Variants in IKZF1 observed in about 807,000 individuals in gnomAD.
The protein encoded by IKZF1 is IKAROS family zinc finger 1.
A neutral mutation model predicts 51.7 loss-of-function variants in IKZF1; 10 were observed. The observed-to-expected ratio is 0.19, with a 90% CI of 0.12 to 0.33. The LOEUF (loss-of-function observed/expected upper bound fraction) is 0.33. IKZF1 is among the 10% of genes least tolerant of loss of function. The pLI is 1.00. For missense variants in IKZF1, 484 were observed against 707.5 expected, an observed-to-expected ratio of 0.68 and a Z score of 3.58; for synonymous variants, 280 against 282.3, an observed-to-expected ratio of 0.99 and a Z score of 0.08.
chr7:50,320,481 T>C (rs1057217440), intron 2 of IKZF1, among the ~76,000 whole-genome samples: 4 of 152,220 alleles, frequency 2.6e-5, no homozygotes, highest in African/African-American at 7.2e-5. Context: ...CTATATATTA[T>C]TGTTGACTAC....
Position 50,400,680 on chromosome 7 carries a change from G to A in IKZF1, c.*53G>A. ...CCGAGCCACCCCAGGAAAAGCACAAGGACTGCCGCCTTCTCGCTCCCGCCA... is the reference window on the plus strand; with the variant it reads ...CCGAGCCACCCCAGGAAAAGCACAAAGACTGCCGCCTTCTCGCTCCCGCCA... On this transcript the variant is annotated 3_prime_UTR_variant, in exon 8 of 8. Transcript: ENST00000331340. This position sits in a 1 kb window ranked among gnomAD's most constrained non-coding sequence, Gnocchi z 5.4. The A allele has an allele frequency of 1.3e-6, 2 of 1,547,116 alleles. No individual in the cohort carries two copies. Among genetic ancestry groups the A allele is most frequent in the Non-Finnish European group, 1.7e-6 (2 of 1,150,790 alleles).
At chr7:50,396,381 T>G (rs1816711774) in intron 7 of IKZF1, among the ~76,000 whole-genome samples, 1 of 152,210 alleles carries the variant, frequency 6.6e-6, no homozygotes. Flanking sequence ...TAATATTATT[T>G]TGCTCCTTAT....
intron 3 of IKZF1, among the ~76,000 whole-genome samples, chr7:50,373,660 A>G (rs1236331289): frequency 1.3e-5 from 2 of 152,216 alleles, no homozygotes; most frequent in Non-Finnish European, 2.9e-5. Context: ...GTAAATGATT[A>G]AAAATAATCT....
At chr7:50,392,770 T>C (rs1391586529) in intron 7 of IKZF1, among the ~76,000 whole-genome samples, 5 of 151,948 alleles carry the variant, frequency 3.3e-5, no homozygotes, top group African/African-American at 9.7e-5. Flanking sequence ...GGAAGAGGAA[T>C]AGAGTTTCAG....
chr7:50,353,410 G>C (rs1006219808), intron 3 of IKZF1, among the ~76,000 whole-genome samples: 12 of 152,226 alleles, frequency 7.9e-5, no homozygotes, highest in Non-Finnish European at 8.8e-5. Context: ...ACCTGCGCCT[G>C]CTGGCCCCTC....
At chr7:50,371,811 G>A (rs1250799600) in intron 3 of IKZF1, among the ~76,000 whole-genome samples, 2 of 152,200 alleles carry the variant, frequency 1.3e-5, no homozygotes, top group Non-Finnish European at 2.9e-5. Flanking sequence ...TTGAAAGGAG[G>A]CGTGCGTACA....
intron 2 of IKZF1, among the ~76,000 whole-genome samples, chr7:50,323,555 C>T (rs1794014191): frequency 6.6e-6 from 1 of 152,290 alleles, no homozygotes. Flanking sequence ...ATAGGTAATG[C>T]TTTATTTGAA....
At chr7:50,368,057 C>A in intron 3 of IKZF1, 1 of 702,882 alleles carries the variant, frequency 1.4e-6, no homozygotes, top group Non-Finnish European at 2.6e-6. Context: ...ATTCCCAAAT[C>A]TTTCTCTCGT....
At chr7:50,361,255 T>G (rs944397772) in intron 3 of IKZF1, among the ~76,000 whole-genome samples, 1 of 152,238 alleles carries the variant, frequency 6.6e-6, no homozygotes, top group African/African-American at 2.4e-5. Flanking sequence ...TCTTTGCATA[T>G]GATTCTCCTT....
At chr7:50,383,070 C>T (rs563709910) in intron 5 of IKZF1, among the ~76,000 whole-genome samples, 2 of 152,314 alleles carry the variant, frequency 1.3e-5, no homozygotes, top group South Asian at 2.1e-4. Flanking sequence ...AGACCCAAAA[C>T]GTTTTCAAGT....
intron 3 of IKZF1, among the ~76,000 whole-genome samples, chr7:50,334,124 A>G (rs1797018470): frequency 6.6e-6 from 1 of 152,240 alleles, no homozygotes; most frequent in Non-Finnish European, 1.5e-5. Flanking sequence ...TAATTTGTCA[A>G]ATAGTTCAAA....
At chr7:50,323,426 A>G (rs1405450581) in intron 2 of IKZF1, among the ~76,000 whole-genome samples, 1 of 152,228 alleles carries the variant, frequency 6.6e-6, no homozygotes. Flanking sequence ...TCATGCATTT[A>G]GGAGAGGCGG....
At chr7:50,315,946 G>A (rs1791441750) in intron 1 of IKZF1, among the ~76,000 whole-genome samples, 1 of 152,144 alleles carries the variant, frequency 6.6e-6, no homozygotes, top group Non-Finnish European at 1.5e-5. Flanking sequence ...AGTGTGACAG[G>A]ACTTAAGTGC....
chr7:50,316,015 T>C (rs905239062), intron 1 of IKZF1, among the ~76,000 whole-genome samples: 2 of 152,216 alleles, frequency 1.3e-5, no homozygotes, highest in African/African-American at 2.4e-5. Flanking sequence ...CACATTTCCT[T>C]TCCCTCAAAC....
chr7:50,335,220 G>A (rs1283701645), intron 3 of IKZF1, among the ~76,000 whole-genome samples: 3 of 150,158 alleles, frequency 2.0e-5, no homozygotes, highest in Non-Finnish European at 4.4e-5. Flanking sequence ...GGGATGTATG[G>A]TGTGTATGTG....
chr7:50,320,321 A>G (rs1290890833), intron 2 of IKZF1, among the ~76,000 whole-genome samples: 2 of 152,196 alleles, frequency 1.3e-5, no homozygotes, highest in Non-Finnish European at 2.9e-5. Context: ...AATTGTGTAC[A>G]TAGACACAAA....
Position 50,403,011 on chromosome 7 carries a change from A to C in IKZF1, c.*2384A>C, listed in dbSNP as rs1008698139. On this transcript the variant is annotated 3_prime_UTR_variant, in exon 8 of 8. Coordinates refer to ENST00000331340, the MANE Select transcript of IKZF1 (RefSeq NM_006060.6). ...CCATCCCCCTGAGTCAGTTGGTTGA[A>C]GGGAGTTATTTTTTCAAGTGGAATT... 4.4e-6 allele frequency: 1 copy of C among 226,414 alleles called. No homozygotes were observed. The highest frequency in any genetic ancestry group is 8.8e-6 in the Non-Finnish European group (1 of 113,798). The allele number at this position is 226,414 out of a possible 1,614,324, so 14.0% of individuals were successfully genotyped here. A position where few individuals can be genotyped will look rare whatever the true frequency, so the allele number is the denominator to read the frequency against.
At chr7:50,364,205 G>A (rs1231740403) in intron 3 of IKZF1, among the ~76,000 whole-genome samples, 6 of 152,126 alleles carry the variant, frequency 3.9e-5, no homozygotes, top group South Asian at 2.1e-4. Flanking sequence ...GAGTGACAAC[G>A]GCACAAGAAG....
At chr7:50,319,939 C>G (rs1792709835) in intron 2 of IKZF1, among the ~76,000 whole-genome samples, 1 of 152,158 alleles carries the variant, frequency 6.6e-6, no homozygotes, top group African/African-American at 2.4e-5. Flanking sequence ...AAGACCAGGA[C>G]CTATGTGTGG....
Sources: allele counts gnomAD v4.1 joint callset (sites outside exome capture counted in the v4.1 genomes callset), GRCh38; gene constraint gnomAD v4.1.1; non-coding constraint Gnocchi (gnomAD v3.1); transcripts MANE v1.5; gene names NCBI Gene and HGNC (gene_info 2026-07-23, HGNC 2026-07-21).